Variants in FEM1B observed in about 807,000 individuals in gnomAD.
FEM1B encodes fem-1 homolog B.
In FEM1B, 10 loss-of-function variants were observed where a neutral mutation model predicts 38.6. That is an observed-to-expected ratio of 0.26 (90% CI 0.16 to 0.44). The LOEUF (loss-of-function observed/expected upper bound fraction) is 0.44, where lower values mean the gene tolerates loss of function less well. Ranked by LOEUF, FEM1B falls within the 20% of genes least tolerant of loss-of-function variation. The pLI, the probability that FEM1B is intolerant of heterozygous loss-of-function variation, is 1.00. For missense variants in FEM1B, 471 were observed against 786.7 expected, an observed-to-expected ratio of 0.60 and a Z score of 4.80; for synonymous variants, 288 against 288.0, an observed-to-expected ratio of 1.00 and a Z score of 0.00.
Position 68,290,325 on chromosome 15 carries a change from G to A in FEM1B, c.967G>A (p.Ala323Thr), listed in dbSNP as rs748386645. ...GGAGTCCATTCGGCAAGACAGAGAT[G>A]CTCTTCATATGGAAGGCCTTATAGT... ...ELESIRQDRDALHMEGLIVRE... is the reference protein window; with the variant it reads ...ELESIRQDRDTLHMEGLIVRE... The change falls in exon 2 of 2, where the codon GCT becomes ACT. Residue 323 changes from alanine to threonine, a missense_variant. Transcript: ENST00000306917. This position sits in a 1 kb window ranked among gnomAD's most constrained non-coding sequence, Gnocchi z 9.7. The A allele has an allele frequency of 3.1e-6, 5 of 1,614,098 alleles. No individual in the cohort carries two copies. Among genetic ancestry groups the A allele is most frequent in the Non-Finnish European group, 4.2e-6 (5 of 1,179,972 alleles).
At chr15:68,287,236 T>TA (rs1892798981) in intron 1 of FEM1B, among the ~76,000 whole-genome samples, 1 of 152,244 alleles carries the variant, frequency 6.6e-6, no homozygotes, top group Admixed American at 6.5e-5. Flanking sequence ...AATGCATTTT[T>TA]AAAAATAAAA....
Position 68,278,709 on chromosome 15 carries a change from C to T in FEM1B, c.248+44C>T. On this transcript the variant is annotated intron_variant, in intron 1 of 1. Coordinates refer to ENST00000306917, the MANE Select transcript of FEM1B (RefSeq NM_015322.5). The surrounding 1 kb of genome is among the most constrained non-coding windows in gnomAD (Gnocchi z 5.7). Reference sequence around the variant, plus strand: ...AGCCTCTCTCCGACGCGCGCGGACTCGTTAATTCACGGGCCCTCCCCTCCC... The same window carrying T: ...AGCCTCTCTCCGACGCGCGCGGACTTGTTAATTCACGGGCCCTCCCCTCCC... The T allele has an allele frequency of 6.2e-7, 1 of 1,607,786 alleles. No individual in the cohort carries two copies. The highest frequency in any genetic ancestry group is 8.5e-7 in the Non-Finnish European group (1 of 1,175,164).
rs1892733893 is a variant in FEM1B at position 68,281,961 on chromosome 15, G to A, written c.248+3296G>A. 6.6e-6 allele frequency among the ~76,000 whole-genome samples: 1 copy of A among 152,136 alleles called. No homozygotes were observed. The highest frequency in any genetic ancestry group is 2.4e-5 in the African/African-American group (1 of 41,424). On this transcript the variant is annotated intron_variant, in intron 1 of 1. Coordinates refer to ENST00000306917, the MANE Select transcript of FEM1B (RefSeq NM_015322.5). This position sits in a 1 kb window ranked among gnomAD's most constrained non-coding sequence, Gnocchi z 5.1. ...AACATTTGAGATTATTTTACTTGTG[G>A]CGTGACATGTGAATACCATGTTGAT...
chr15:68,283,862 T>C (rs574450615), intron 1 of FEM1B, among the ~76,000 whole-genome samples: 1 of 152,182 alleles, frequency 6.6e-6, no homozygotes, highest in Non-Finnish European at 1.5e-5. Flanking sequence ...CCAAGTACTT[T>C]TGTATTTTTA....
chr15:68,282,456 G>A (rs1892738953), intron 1 of FEM1B, among the ~76,000 whole-genome samples: 1 of 152,110 alleles, frequency 6.6e-6, no homozygotes, highest in Non-Finnish European at 1.5e-5. Context: ...TATATTTAAT[G>A]AATTTTTATT....
chr15:68,287,407 A>G (rs1892801330), intron 1 of FEM1B, among the ~76,000 whole-genome samples: 1 of 152,176 alleles, frequency 6.6e-6, no homozygotes. Context: ...AGTACCTTCA[A>G]GTCTCTTCCC....
Position 68,278,674 on chromosome 15 carries a change from A to C in FEM1B, c.248+9A>C, listed in dbSNP as rs531484880. On this transcript the variant is annotated intron_variant, in intron 1 of 1. Coordinates refer to ENST00000306917, the MANE Select transcript of FEM1B (RefSeq NM_015322.5). This position sits in a 1 kb window ranked among gnomAD's most constrained non-coding sequence, Gnocchi z 5.7. ...ACCGTCCGCTTCGACGGGTAGGTAC[A>C]TCCCAAGCCAGCCTCTCTCCGACGC... 2 of 1,611,718 alleles carry C rather than the reference A, an allele frequency of 1.2e-6. No individual in the cohort carries two copies. Among genetic ancestry groups the C allele is most frequent in the Non-Finnish European group, 8.5e-7 (1 of 1,178,466 alleles).
chr15:68,289,963 T>G lies in FEM1B; in HGVS notation c.605T>G (p.Ile202Ser). The part of the protein sequence containing the change: ...HFAAEAGHID[I>S]VKELIKWRAA... ...GCAGCTGAAGCTGGGCACATAGATA[T>G]TGTGAAAGAGCTGATAAAATGGCGT... is the stretch of plus-strand genomic sequence containing the variant. Residue 202 changes from isoleucine (I) to serine (S), a missense_variant, in exon 2 of 2, where the codon ATT becomes AGT. Coordinates refer to ENST00000306917, the MANE Select transcript of FEM1B (RefSeq NM_015322.5). The surrounding 1 kb of genome is among the most constrained non-coding windows in gnomAD (Gnocchi z 6.9). The G allele has an allele frequency of 6.2e-7, 1 of 1,614,162 alleles. No homozygotes were observed. The highest frequency in any genetic ancestry group is 8.5e-7 in the Non-Finnish European group (1 of 1,180,028).
Position 68,290,082 on chromosome 15 carries a change from G to A in FEM1B, c.724G>A (p.Ala242Thr), listed in dbSNP as rs139755237. The A allele has an allele frequency of 8.2e-5, 133 of 1,614,086 alleles. No homozygotes were observed. Among genetic ancestry groups the A allele is most frequent in the Non-Finnish European group, 1.1e-4 (126 of 1,180,044 alleles). Reference protein sequence around the residue: ...ADVVELLLSHADCDRRSRIEA... With the variant: ...ADVVELLLSHTDCDRRSRIEA... ...TGTCGTAGAACTGTTACTCTCTCATGCTGATTGCGACCGAAGAAGTCGGAT... is the reference window on the plus strand; with the variant it reads ...TGTCGTAGAACTGTTACTCTCTCATACTGATTGCGACCGAAGAAGTCGGAT... The change falls in exon 2 of 2, where the codon GCT becomes ACT. Residue 242 changes from alanine (A) to threonine (T), a missense_variant. Transcript: ENST00000306917. The surrounding 1 kb of genome is among the most constrained non-coding windows in gnomAD (Gnocchi z 9.7).
chr15:68,290,745 G>T lies in FEM1B; in HGVS notation c.1387G>T (p.Asp463Tyr). The change falls in exon 2 of 2, where the codon GAT becomes TAT. Residue 463 changes from aspartate (D) to tyrosine (Y), a missense_variant. Coordinates refer to ENST00000306917, the MANE Select transcript of FEM1B (RefSeq NM_015322.5). The surrounding 1 kb of genome is among the most constrained non-coding windows in gnomAD (Gnocchi z 9.7). ...ISTKTQCSEEDQCKINKQIYN... is the reference protein window; with the variant it reads ...ISTKTQCSEEYQCKINKQIYN... ...TACCAAAACACAGTGCAGCGAAGAA[G>T]ATCAGTGCAAAATTAACAAGCAGAT... 6.2e-7 allele frequency: 1 copy of T among 1,613,904 alleles called. No individual in the cohort carries two copies. The highest frequency in any genetic ancestry group is 8.5e-7 in the Non-Finnish European group (1 of 1,179,946).
Position 68,290,826 on chromosome 15 carries a change from C to G in FEM1B, c.1468C>G (p.Leu490Val). The G allele has an allele frequency of 6.2e-7, 1 of 1,614,162 alleles. No individual in the cohort carries two copies. The highest frequency in any genetic ancestry group is 8.5e-7 in the Non-Finnish European group (1 of 1,180,000). Residue 490 changes from leucine (L) to valine (V), a missense_variant, in exon 2 of 2, where the codon CTG becomes GTG. Physicochemically the swap from Leu to Val is conservative, Grantham distance 32 (BLOSUM62 1). Coordinates refer to ENST00000306917, the MANE Select transcript of FEM1B (RefSeq NM_015322.5). This position sits in a 1 kb window ranked among gnomAD's most constrained non-coding sequence, Gnocchi z 9.7. ...TCGTGAAGGTTTCACCTTGCTGCAT[C>G]TGGCTGTCAATTCCAATACTCCAGT... Reference protein sequence around the residue: ...RTREGFTLLHLAVNSNTPVDD... With the variant: ...RTREGFTLLHVAVNSNTPVDD...
intron 1 of FEM1B, among the ~76,000 whole-genome samples, chr15:68,279,272 A>G (rs1462779874): frequency 6.6e-6 from 1 of 152,198 alleles, no homozygotes; most frequent in African/African-American, 2.4e-5. Flanking sequence ...GGCTACTAAG[A>G]TGGCATTGGA....
chr15:68,278,096 A>T lies in FEM1B; in HGVS notation c.-322A>T, dbSNP rs1892679840. On this transcript the variant is annotated 5_prime_UTR_variant, in exon 1 of 2. Coordinates refer to ENST00000306917, the MANE Select transcript of FEM1B (RefSeq NM_015322.5). This position sits in a 1 kb window ranked among gnomAD's most constrained non-coding sequence, Gnocchi z 5.7. ...GCGCCTGTCGCATCCCGCAGGAAGG[A>T]GGGGTCCGGCCTGAGGCCCGGGGCG... The T allele has an allele frequency of 1.1e-5, 3 of 272,246 alleles. No homozygotes were observed. The East Asian group carries it at 2.9e-4, about 26-fold the overall frequency. 16.9% of individuals were successfully genotyped at this position (272,246 alleles called of 1,614,324 possible). A position where few individuals can be genotyped will look rare whatever the true frequency, so the allele number is the denominator to read the frequency against.
chr15:68,286,717 T>C (rs1892791644), intron 1 of FEM1B, among the ~76,000 whole-genome samples: 1 of 152,218 alleles, frequency 6.6e-6, no homozygotes, highest in Admixed American at 6.5e-5. Context: ...TATTGGTATT[T>C]TCTGATGCTG....
rs2140247784 is a variant in FEM1B at position 68,294,713 on chromosome 15, T to G, written c.*3471T>G. 1 of 152,260 alleles carries G rather than the reference T, an allele frequency of 6.6e-6. No homozygotes were observed. The highest frequency in any genetic ancestry group is 2.1e-4 in the South Asian group (1 of 4,826). 9.4% of individuals were successfully genotyped at this position (152,260 alleles called of 1,614,324 possible). A position where few individuals can be genotyped will look rare whatever the true frequency, so the allele number is the denominator to read the frequency against. The stretch of plus-strand genomic sequence containing the variant: ...AATGAATGAAAGTATAAAGGACTTG[T>G]TTTTTATGATAGATTTTCTGTAAGA... On this transcript the variant is annotated 3_prime_UTR_variant, in exon 2 of 2. Transcript: ENST00000306917. The surrounding 1 kb of genome is among the most constrained non-coding windows in gnomAD (Gnocchi z 4.4).
rs1202367275 is a variant in FEM1B at position 68,294,780 on chromosome 15, CAT to C, written c.*3539_*3540del. The C allele has an allele frequency of 6.6e-6, 1 of 152,088 alleles. No individual in the cohort carries two copies. The highest frequency in any genetic ancestry group is 2.4e-5 in the African/African-American group (1 of 41,422). The allele number at this position is 152,088 out of a possible 1,614,324, so 9.4% of individuals were successfully genotyped here. ...TTCAAATTAGATGTGTTGATGCACACATGACTATTCTGTTTTTCTCACTGACT... is the reference window on the plus strand; with the variant it reads ...TTCAAATTAGATGTGTTGATGCACACGACTATTCTGTTTTTCTCACTGACT... On this transcript the variant is annotated 3_prime_UTR_variant, in exon 2 of 2. Transcript: ENST00000306917. This position sits in a 1 kb window ranked among gnomAD's most constrained non-coding sequence, Gnocchi z 4.4.
chr15:68,279,086 ATTT>A (rs1595838948), intron 1 of FEM1B, among the ~76,000 whole-genome samples: 1 of 152,184 alleles, frequency 6.6e-6, no homozygotes, highest in Non-Finnish European at 1.5e-5. Flanking sequence ...TTGGGCATCC[ATTT>A]TTACTCCCTT....
rs1892767646 is a variant in FEM1B, at chr15:68,284,806, A to T, written c.249-4801A>T. Among the ~76,000 whole-genome samples, 1 of 152,162 alleles carries T rather than the reference A, an allele frequency of 6.6e-6. No homozygotes were observed. The highest frequency in any genetic ancestry group is 2.4e-5 in the African/African-American group (1 of 41,440). ...TGGTGGGAGGCAACTGAATCATGGAAGCAGGTCTTTCCCGTGCTGTTCTCT... is the reference window on the plus strand; with the variant it reads ...TGGTGGGAGGCAACTGAATCATGGATGCAGGTCTTTCCCGTGCTGTTCTCT... On this transcript the variant is annotated intron_variant, in intron 1 of 1. Coordinates refer to ENST00000306917, the MANE Select transcript of FEM1B (RefSeq NM_015322.5). This position sits in a 1 kb window ranked among gnomAD's most constrained non-coding sequence, Gnocchi z 4.4.
chr15:68,291,035 A>G lies in FEM1B; in HGVS notation c.1677A>G (p.Leu559=), dbSNP rs1892842005. The G allele has an allele frequency of 1.2e-6, 2 of 1,614,148 alleles. No individual in the cohort carries two copies. Among genetic ancestry groups the G allele is most frequent in the East Asian group, 2.2e-5 (1 of 44,882 alleles). ...CCTTGCACTCCATCATCATTAGCCT[A>G]GTTGAAGCCGGAGCTCACACTGACA... ...FLTLHSIIIS[L]VEAGAHTDMT... is the part of the protein sequence containing the mutation. Residue 559 remains leucine (L), a synonymous_variant, in exon 2 of 2, where the codon CTA becomes CTG. Coordinates refer to ENST00000306917, the MANE Select transcript of FEM1B (RefSeq NM_015322.5). This position sits in a 1 kb window ranked among gnomAD's most constrained non-coding sequence, Gnocchi z 6.9.
Sources: allele counts gnomAD v4.1 joint callset (sites outside exome capture counted in the v4.1 genomes callset), GRCh38; gene constraint gnomAD v4.1.1; non-coding constraint Gnocchi (gnomAD v3.1); transcripts MANE v1.5; gene names NCBI Gene and HGNC (gene_info 2026-07-23, HGNC 2026-07-21).